SETD2: variants seen among roughly 807,000 people sequenced by gnomAD.
The protein encoded by SETD2 is histone-lysine N-methyltransferase SETD2.
Under a neutral mutation model 242.1 loss-of-function variants are expected in SETD2, and 31 were observed. That is an observed-to-expected ratio of 0.13 (90% CI 0.10 to 0.17). SETD2 has a LOEUF of 0.17. SETD2 is among the 10% of genes least tolerant of loss of function. SETD2 has a pLI of 1.00. For synonymous variants in SETD2, 1,006 were observed against 1,066.5 expected (o/e 0.94, Z 1.11); for missense variants, 2,481 against 3,046.3 (o/e 0.81, Z 4.37).
rs1176670897 is a variant in SETD2 at position 47,083,921 on chromosome 3, T to C, written c.5859A>G (p.Glu1953=). The change falls in exon 12 of 21, where the codon GAA becomes GAG. Residue 1953 remains glutamate (E), a synonymous_variant. Coordinates refer to ENST00000409792, the MANE Select transcript of SETD2 (RefSeq NM_014159.7). Reference sequence around the variant, plus strand: ...GCTCTATTTCAGCGTCAGCTTCTGGTTCAGATGTAGGTAGCTTACTAGCTT... The same window carrying C: ...GCTCTATTTCAGCGTCAGCTTCTGGCTCAGATGTAGGTAGCTTACTAGCTT... The part of the protein sequence containing the change: ...NIEASKLPTS[E]PEADAEIEPK... 1 of 1,614,198 alleles carries C rather than the reference T, an allele frequency of 6.2e-7. No homozygotes were observed. The highest frequency in any genetic ancestry group is 1.1e-5 in the South Asian group (1 of 91,082).
intron 1 of SETD2, among the ~76,000 whole-genome samples, chr3:47,145,779 GC>G (rs1333434968): frequency 6.6e-6 from 1 of 152,066 alleles, no homozygotes; most frequent in East Asian, 1.9e-4. Context: ...ACTTTGGGAG[GC>G]CCCCAACAGG....
In SETD2 at chr3:47,017,027, C is replaced by T. The variant is rs2107483747; in HGVS notation, c.*66G>A. The stretch of plus-strand genomic sequence containing the variant: ...CTGACAGGGGTGGGACAGAAAGGCC[C>T]ACAGGATTTCCTCTCCCTAGAGTCT... On this transcript the variant is annotated 3_prime_UTR_variant, in exon 21 of 21. Transcript: ENST00000409792. This position sits in a 1 kb window ranked among gnomAD's most constrained non-coding sequence, Gnocchi z 4.8. 6.6e-7 allele frequency: 1 copy of T among 1,514,288 alleles called. No individual in the cohort carries two copies. Among genetic ancestry groups the T allele is most frequent in the Non-Finnish European group, 9.1e-7 (1 of 1,095,958 alleles). 93.8% of individuals were successfully genotyped at this position (1,514,288 alleles called of 1,614,324 possible). A position where few individuals can be genotyped will look rare whatever the true frequency, so the allele number is the denominator to read the frequency against.
chr3:47,056,752 A>T, intron 15 of SETD2, 69 bp downstream of exon 15: 2 of 1,256,526 alleles, frequency 1.6e-6, no homozygotes, highest in Non-Finnish European at 2.3e-6. Flanking sequence ...TTCCTCCCCT[A>T]TACCAGATTT....
At chr3:47,022,930 C>T (rs535776186) in intron 18 of SETD2, among the ~76,000 whole-genome samples, 1 of 152,316 alleles carries the variant, frequency 6.6e-6, no homozygotes, top group African/African-American at 2.4e-5. Flanking sequence ...GGTAACCATA[C>T]ACAGGCTGTG....
intron 4 of SETD2, among the ~76,000 whole-genome samples, chr3:47,116,354 A>G (rs2042852885): frequency 6.6e-6 from 1 of 152,230 alleles, no homozygotes; most frequent in South Asian, 2.1e-4. Flanking sequence ...TAAAAGATAA[A>G]AAAGTACTGA....
At chr3:47,047,517 A>G (rs774585277) in intron 15 of SETD2, among the ~76,000 whole-genome samples, 2 of 152,228 alleles carry the variant, frequency 1.3e-5, no homozygotes, top group Non-Finnish European at 2.9e-5. Flanking sequence ...TCTAGCAGGT[A>G]AAATGATTAC....
At chr3:47,050,875 C>T (rs954568407) in intron 15 of SETD2, among the ~76,000 whole-genome samples, 12 of 150,894 alleles carry the variant, frequency 8.0e-5, no homozygotes, top group Admixed American at 4.0e-4. Context: ...GGATTATAGG[C>T]GTGCGCCACC....
intron 1 of SETD2, among the ~76,000 whole-genome samples, chr3:47,161,274 G>A (rs776991694): frequency 2.6e-5 from 4 of 152,138 alleles, no homozygotes; most frequent in Non-Finnish European, 5.9e-5. Context: ...AAAAGCCCCA[G>A]TAAGTTGTTA....
chr3:47,090,246 C>CAAAA (rs1164553778), intron 9 of SETD2, among the ~76,000 whole-genome samples: 3 of 151,628 alleles, frequency 2.0e-5, no homozygotes, highest in Non-Finnish European at 4.4e-5. Context: ...GACTCCTTCT[C>CAAAA]AAAAACAAAC....
intron 1 of SETD2, among the ~76,000 whole-genome samples, chr3:47,153,232 C>G (rs926599254): frequency 6.6e-6 from 1 of 152,058 alleles, no homozygotes; most frequent in African/African-American, 2.4e-5. Flanking sequence ...ACACAAATTC[C>G]AAAGCTAAGA....
intron 1 of SETD2, among the ~76,000 whole-genome samples, chr3:47,145,794 A>C (rs2043836786): frequency 6.6e-6 from 1 of 151,876 alleles, no homozygotes; most frequent in South Asian, 2.1e-4. Context: ...CAACAGGAGG[A>C]GTGCTTAAGG....
At position 47,016,839 on chromosome 3, in the gene SETD2, G is replaced by A; in HGVS notation, c.*254C>T. ...CAGGTTTAAGAGTGGAGTCAGGTCT[G>A]GCCAGGGTCTTTTCTAAGCCCTTGC... On this transcript the variant is annotated 3_prime_UTR_variant, in exon 21 of 21. Transcript: ENST00000409792. 2.1e-6 allele frequency: 1 copy of A among 472,238 alleles called. No individual in the cohort carries two copies. The highest frequency in any genetic ancestry group is 3.8e-6 in the Non-Finnish European group (1 of 262,748). The allele number at this position is 472,238 out of a possible 1,614,324, so 29.3% of individuals were successfully genotyped here. A position where few individuals can be genotyped will look rare whatever the true frequency, so the allele number is the denominator to read the frequency against.
intron 17 of SETD2, among the ~76,000 whole-genome samples, chr3:47,040,231 G>A (rs1359757818): frequency 6.6e-6 from 1 of 152,152 alleles, no homozygotes; most frequent in African/African-American, 2.4e-5. Flanking sequence ...TGCCCATCTT[G>A]GCCTCCCAAA....
intron 7 of SETD2, among the ~76,000 whole-genome samples, chr3:47,102,758 C>T (rs915204704): frequency 2.9e-5 from 4 of 138,098 alleles, no homozygotes; most frequent in African/African-American, 8.1e-5. Flanking sequence ...CATGTCACTG[C>T]GCTCCAGCCT....
chr3:47,023,615 A>C (rs922804969), intron 18 of SETD2, among the ~76,000 whole-genome samples: 3 of 152,196 alleles, frequency 2.0e-5, no homozygotes, highest in African/African-American at 7.2e-5. Flanking sequence ...AACTTAGTAC[A>C]GCTGGTGTTC....
chr3:47,085,695 T>G (rs1034547230), intron 11 of SETD2, among the ~76,000 whole-genome samples: 1 of 152,212 alleles, frequency 6.6e-6, no homozygotes, highest in African/African-American at 2.4e-5. Context: ...TTTTATTAAT[T>G]TCATAGAAAG....
At chr3:47,026,864 G>A (rs148776066) in intron 18 of SETD2, among the ~76,000 whole-genome samples, 1,590 of 152,126 alleles carry the variant, frequency 0.01, 36 homozygotes, top group African/African-American at 0.036. Context: ...TAGGTGATGG[G>A]TTGATGGGTG....
Position 47,107,749 on chromosome 3 carries a change from T to C in SETD2, c.4716-1629A>G, listed in dbSNP as rs573340632. Among the ~76,000 whole-genome samples the C allele has an allele frequency of 1.3e-4, 19 of 148,228 alleles. 1 individual carries two copies. In the East Asian group the frequency reaches 3.6e-3, roughly 28 times the overall value. On this transcript the variant is annotated intron_variant, in intron 5 of 20. Coordinates refer to ENST00000409792, the MANE Select transcript of SETD2 (RefSeq NM_014159.7). ...GGGGGGTGGGGGGGGGGTGGCAGGA[T>C]TGCTTTGGCCCAGGAGTTCAAGACC...
chr3:47,045,973 T>A (rs924742702), intron 16 of SETD2, among the ~76,000 whole-genome samples: 5 of 143,992 alleles, frequency 3.5e-5, no homozygotes, highest in East Asian at 2.0e-4. Context: ...ATTAAAAAAA[T>A]TTTTTTTTTA....
Sources: gnomAD v4.1 joint callset for allele counts (sites outside exome capture counted in the v4.1 genomes callset) on GRCh38, gnomAD v4.1.1 for gene constraint, Gnocchi (gnomAD v3.1) non-coding constraint, MANE v1.5 for transcripts, NCBI Gene and HGNC (gene_info 2026-07-23, HGNC 2026-07-21) for gene names.